GNPAT: variants seen among roughly 807,000 people sequenced by gnomAD.
GNPAT encodes the protein dihydroxyacetone phosphate acyltransferase.
Under a neutral mutation model 78.4 loss-of-function variants are expected in GNPAT, and 30 were observed. That is an observed-to-expected ratio of 0.38 (90% CI 0.29 to 0.52). The LOEUF (loss-of-function observed/expected upper bound fraction) is 0.52, where lower values mean the gene tolerates loss of function less well. Among genes scored for constraint, GNPAT ranks in the 20% least tolerant of loss-of-function variants. The pLI, the probability that GNPAT is intolerant of heterozygous loss-of-function variation, is 0.84. For missense variants in GNPAT, 714 were observed against 812.2 expected (o/e 0.88, Z 1.47); for synonymous variants, 271 against 281.1 (o/e 0.96, Z 0.36).
chr1:231,257,581 A>T (rs541076954), intron 2 of GNPAT, among the ~76,000 whole-genome samples: 1 of 152,160 alleles, frequency 6.6e-6, no homozygotes, highest in African/African-American at 2.4e-5. Flanking sequence ...GATCTCTTTC[A>T]TAAGTTCTTC....
At chr1:231,268,514 C>T (rs1340242967) in intron 9 of GNPAT, among the ~76,000 whole-genome samples, 1 of 151,784 alleles carries the variant, frequency 6.6e-6, no homozygotes, top group Non-Finnish European at 1.5e-5. Flanking sequence ...GTGGTACACA[C>T]CTATAATCCC....
chr1:231,267,835 C>T lies in GNPAT; in HGVS notation c.1211C>T (p.Ala404Val), dbSNP rs145192270. ...LQNRPSMDFD[A>V]LVEKTLWLKG... ...AACCGGCCATCCATGGACTTTGATGCTCTGGTGGAAAAGACTTTATGGCTA... is the reference window on the plus strand; with the variant it reads ...AACCGGCCATCCATGGACTTTGATGTTCTGGTGGAAAAGACTTTATGGCTA... Residue 404 changes from alanine (A) to valine (V), a missense_variant, in exon 9 of 16, where the codon GCT becomes GTT. Transcript: ENST00000366647. 27 of 1,613,958 alleles carry T rather than the reference C, an allele frequency of 1.7e-5. No homozygotes were observed. The African/African-American group carries it at 3.1e-4, about 18-fold the overall frequency.
Position 231,250,981 on chromosome 1 carries a change from T to C in GNPAT, c.99T>C (p.Asp33=). The C allele has an allele frequency of 1.2e-6, 2 of 1,611,298 alleles. No individual in the cohort carries two copies. Among genetic ancestry groups the C allele is most frequent in the Non-Finnish European group, 1.7e-6 (2 of 1,177,806 alleles). ...CACAGAAGGAGCTCAAAAAGTGGGA[T>C]GAGTTTGAAGATATTTTAGAAGAGA... The part of the protein sequence containing the change: ...LLYSKELKKW[D]EFEDILEERR... The change falls in exon 2 of 16, where the codon GAT becomes GAC. Residue 33 remains aspartate, a synonymous_variant. Coordinates refer to ENST00000366647, the MANE Select transcript of GNPAT (RefSeq NM_014236.4).
chr1:231,274,930 AAG>A, intron 12 of GNPAT: 1 of 352,708 alleles, frequency 2.8e-6, no homozygotes, highest in East Asian at 6.9e-5. Context: ...CAAGTAGCAT[AAG>A]AGATACGAAG....
At chr1:231,264,478 T>C (rs1196954704) in intron 4 of GNPAT, among the ~76,000 whole-genome samples, 2 of 152,188 alleles carry the variant, frequency 1.3e-5, no homozygotes, top group African/African-American at 4.8e-5. Context: ...CCACTCCCTT[T>C]TAGGGTAGCC....
At chr1:231,244,980 G>A (rs994977432) in intron 1 of GNPAT, among the ~76,000 whole-genome samples, 4 of 152,152 alleles carry the variant, frequency 2.6e-5, no homozygotes, top group African/African-American at 9.7e-5. Context: ...CTTGTTCACT[G>A]GGCTTTAGCC....
At chr1:231,275,193 T>C (rs1038510345) in intron 12 of GNPAT, 28 bp from the exon 13 acceptor site, 1 of 1,303,134 alleles carries the variant, frequency 7.7e-7, no homozygotes, top group Admixed American at 1.7e-5. Context: ...TCTCTTTCTG[T>C]TCCCCTCATC....
At chr1:231,262,210 T>G (rs1685239597) in intron 3 of GNPAT, among the ~76,000 whole-genome samples, 1 of 152,216 alleles carries the variant, frequency 6.6e-6, no homozygotes, top group South Asian at 2.1e-4. Flanking sequence ...TATGAATTTG[T>G]AGATTTTTTT....
rs1340971033 is a variant in GNPAT, at chr1:231,267,829, T to C, written c.1205T>C (p.Phe402Ser). ...CTTCAGAACCGGCCATCCATGGACT[T>C]TGATGCTCTGGTGGAAAAGACTTTA... The part of the protein sequence containing the change: ...VLLQNRPSMD[F>S]DALVEKTLWL... Residue 402 changes from phenylalanine to serine, a missense_variant, in exon 9 of 16, where the codon TTT becomes TCT. Transcript: ENST00000366647. 1.2e-6 allele frequency: 2 copies of C among 1,614,028 alleles called. No individual in the cohort carries two copies. Among genetic ancestry groups the C allele is most frequent in the Non-Finnish European group, 8.5e-7 (1 of 1,179,896 alleles).
At chr1:231,247,830 G>T (rs1273372774) in intron 1 of GNPAT, among the ~76,000 whole-genome samples, 2 of 152,184 alleles carry the variant, frequency 1.3e-5, no homozygotes, top group Non-Finnish European at 2.9e-5. Context: ...TGGACTATTG[G>T]ATTAAGAGGA....
Position 231,260,642 on chromosome 1 carries a change from A to G in GNPAT, c.397A>G (p.Ile133Val). 6.2e-7 allele frequency: 1 copy of G among 1,613,184 alleles called. No homozygotes were observed. The highest frequency in any genetic ancestry group is 8.5e-7 in the Non-Finnish European group (1 of 1,179,240). The change falls in exon 3 of 16, where the codon ATT (isoleucine) becomes GTT (valine). Residue 133 changes from isoleucine (I) to valine (V), a missense_variant. Transcript: ENST00000366647. ...AFTLSKVFKQ[I>V]FSKVCVNEEG... ...CACCCTGAGCAAAGTATTTAAACAAATTTTCTCGAAGGTGTGTGTAAATGA... is the reference window on the plus strand; with the variant it reads ...CACCCTGAGCAAAGTATTTAAACAAGTTTTCTCGAAGGTGTGTGTAAATGA...
chr1:231,241,780 C>T (rs1684616834), intron 1 of GNPAT, among the ~76,000 whole-genome samples: 1 of 152,252 alleles, frequency 6.6e-6, no homozygotes, highest in African/African-American at 2.4e-5. Context: ...GTCTCCCCAT[C>T]TCTAGCGAGG....
At chr1:231,265,254 T>G (rs1319369420) in intron 4 of GNPAT, 39 bp from the exon 5 acceptor site, 3 of 1,458,158 alleles carry the variant, frequency 2.1e-6, no homozygotes, top group Non-Finnish European at 1.9e-6. Context: ...TATAGAAGAT[T>G]TCAAGATCTG....
At chr1:231,246,740 A>G (rs116101620) in intron 1 of GNPAT, among the ~76,000 whole-genome samples, 1 of 152,394 alleles carries the variant, frequency 6.6e-6, no homozygotes, top group African/African-American at 2.4e-5. Context: ...CACTTGGAGT[A>G]TTTTTAAAAA....
At chr1:231,255,512 C>T (rs973493140) in intron 2 of GNPAT, among the ~76,000 whole-genome samples, 1 of 152,182 alleles carries the variant, frequency 6.6e-6, no homozygotes, top group Non-Finnish European at 1.5e-5. Flanking sequence ...TAACCTTGAA[C>T]TCCTGGGCTC....
intron 4 of GNPAT, among the ~76,000 whole-genome samples, chr1:231,263,970 TC>T (rs1281541335): frequency 1.3e-5 from 2 of 152,230 alleles, no homozygotes; most frequent in African/African-American, 4.8e-5. Flanking sequence ...AGGAATTGTT[TC>T]TACATCCTGG....
intron 2 of GNPAT, among the ~76,000 whole-genome samples, chr1:231,254,905 C>A (rs1685005929): frequency 6.6e-6 from 1 of 152,006 alleles, no homozygotes; most frequent in African/African-American, 2.4e-5. Flanking sequence ...GCACCCACCA[C>A]TGCGCCTGGC....
chr1:231,272,269 T>C (rs759040670), intron 10 of GNPAT, 43 bp from the exon 11 acceptor site: 1 of 1,013,416 alleles, frequency 9.9e-7, no homozygotes, highest in Non-Finnish European at 1.6e-6. Flanking sequence ...CCTTAAAGTT[T>C]AAAGGGCAAT....
In GNPAT at chr1:231,270,799, CTGCAT is replaced by C. The variant is rs1685541249; in HGVS notation, c.1323_1327del (p.His442GlnfsTer39). 1 of 1,613,994 alleles carries C rather than the reference CTGCAT, an allele frequency of 6.2e-7. No individual in the cohort carries two copies. The highest frequency in any genetic ancestry group is 8.5e-7 in the Non-Finnish European group (1 of 1,179,944). On this transcript the variant is annotated frameshift_variant, in exon 10 of 16. Coordinates refer to ENST00000366647, the MANE Select transcript of GNPAT (RefSeq NM_014236.4). LOFTEE classifies it high-confidence loss of function. Reference sequence around the variant, plus strand: ...AGAAGTTGTCCCGGCCAGCATTCTTCTGCATTCCAACATTGCCAGCCTTGTCAAAG... The same window carrying C: ...AGAAGTTGTCCCGGCCAGCATTCTTCTCCAACATTGCCAGCCTTGTCAAAG...
Sources: allele counts gnomAD v4.1 joint callset (sites outside exome capture counted in the v4.1 genomes callset), GRCh38; gene constraint gnomAD v4.1.1; transcripts MANE v1.5; gene names NCBI Gene and HGNC (gene_info 2026-07-23, HGNC 2026-07-21).